Variants in DSE observed in about 807,000 individuals in gnomAD.
DSE encodes dermatan sulfate epimerase, also known as dermatan-sulfate epimerase.
A neutral mutation model predicts 84.4 loss-of-function variants in DSE; 36 were observed. The ratio of observed to expected loss-of-function variants is 0.43; its 90% CI spans 0.33 to 0.56. The LOEUF (loss-of-function observed/expected upper bound fraction) is 0.56. DSE is among the 20% of genes least tolerant of loss of function. The probability of loss-of-function intolerance (pLI) is 0.06; values close to 1 mark genes in which losing one functional copy is unlikely to be tolerated. For missense variants in DSE, 862 were observed against 1,169.6 expected (o/e 0.74, Z 3.84); for synonymous variants, 410 against 430.1 (o/e 0.95, Z 0.58).
chr6:116,294,950 A>G (rs1354981217), intron 2 of DSE, among the ~76,000 whole-genome samples: 3 of 152,168 alleles, frequency 2.0e-5, no homozygotes, highest in East Asian at 1.9e-4. Context: ...AGCACTTCCT[A>G]TAGTAAGTAT....
intron 4 of DSE, among the ~76,000 whole-genome samples, chr6:116,432,323 G>A (rs944486561): frequency 1.3e-5 from 2 of 152,178 alleles, no homozygotes; most frequent in South Asian, 4.1e-4. Context: ...ATGTCTAAGA[G>A]CAGCATTTAT....
chr6:116,292,825 A>T (rs1281439952), intron 2 of DSE, among the ~76,000 whole-genome samples: 1 of 152,258 alleles, frequency 6.6e-6, no homozygotes, highest in Non-Finnish European at 1.5e-5. Context: ...AATTAGAAAG[A>T]TGTAAAAGAA....
At chr6:116,313,995 G>T (rs1775833941) in intron 2 of DSE, among the ~76,000 whole-genome samples, 1 of 152,128 alleles carries the variant, frequency 6.6e-6, no homozygotes, top group Non-Finnish European at 1.5e-5. Flanking sequence ...GTTGTTTTCA[G>T]AGAGAAAACC....
intron 2 of DSE, among the ~76,000 whole-genome samples, chr6:116,284,506 CT>C (rs1027182997): frequency 6.6e-6 from 1 of 151,868 alleles, no homozygotes; most frequent in African/African-American, 2.4e-5. Flanking sequence ...AACTCACTTT[CT>C]TTTTTTTATT....
chr6:116,332,332 A>G (rs1165800832), intron 2 of DSE, among the ~76,000 whole-genome samples: 2 of 152,092 alleles, frequency 1.3e-5, no homozygotes, highest in African/African-American at 4.8e-5. Context: ...CCTGAAACTG[A>G]GCTTTAGATC....
chr6:116,435,878 G>A lies in DSE; in HGVS notation c.1410G>A (p.Glu470=). The change falls in exon 6 of 6, where the codon GAG becomes GAA. Residue 470 remains glutamate (E), a synonymous_variant. Coordinates refer to ENST00000644252, the MANE Select transcript of DSE (RefSeq NM_013352.4). ...CCAATGGTGTGCCTTTCATTACTGA[G>A]GCTCTGTACGGGCCAAAGTACACCT... The part of the protein sequence containing the change: ...FAPNGVPFIT[E]ALYGPKYTFF... 1 of 1,614,116 alleles carries A rather than the reference G, an allele frequency of 6.2e-7. No individual in the cohort carries two copies. Among genetic ancestry groups the A allele is most frequent in the Non-Finnish European group, 8.5e-7 (1 of 1,180,002 alleles).
chr6:116,343,095 G>A (rs1030679823), intron 2 of DSE, among the ~76,000 whole-genome samples: 4 of 152,308 alleles, frequency 2.6e-5, no homozygotes, highest in Admixed American at 6.5e-5. Context: ...TGAGGCTGCG[G>A]GAGGGGCGTC....
At chr6:116,428,121 G>A (rs1327245904) in intron 3 of DSE, among the ~76,000 whole-genome samples, 6 of 152,130 alleles carry the variant, frequency 3.9e-5, no homozygotes, top group African/African-American at 1.4e-4. Flanking sequence ...CCTGGGAGGC[G>A]GAGGTTGCAG....
chr6:116,429,925 C>T lies in DSE; in HGVS notation c.671-1029C>T, dbSNP rs1435779003. ...CGAGATTGCGCCACTGCACTCCCGT[C>T]TGGGCCACAGAGCGAGACTCCGTCT... On this transcript the variant is annotated intron_variant, in intron 3 of 5. Transcript: ENST00000644252. 7.0e-4 allele frequency among the ~76,000 whole-genome samples: 9 copies of T among 12,820 alleles called. 4 individuals are homozygous for T. Among genetic ancestry groups the T allele is most frequent in the African/African-American group, 5.7e-3 (9 of 1,586 alleles). 8.4% of individuals were successfully genotyped at this position (12,820 alleles called of 152,430 possible). A position where few individuals can be genotyped will look rare whatever the true frequency, so the allele number is the denominator to read the frequency against.
intron 1 of DSE, among the ~76,000 whole-genome samples, chr6:116,391,280 A>G (rs1259298710): frequency 7.2e-5 from 11 of 152,104 alleles, no homozygotes; most frequent in Non-Finnish European, 1.5e-4. Flanking sequence ...TTTTTTTTTA[A>G]TGTTGTATTT....
intron 2 of DSE, among the ~76,000 whole-genome samples, chr6:116,297,751 A>G (rs563394596): frequency 1.3e-5 from 2 of 152,338 alleles, no homozygotes; most frequent in African/African-American, 4.8e-5. Context: ...AGTGATTTCT[A>G]GAAAGAGGTG....
At chr6:116,271,309 G>C (rs1772867611) in intron 2 of DSE, among the ~76,000 whole-genome samples, 1 of 152,140 alleles carries the variant, frequency 6.6e-6, no homozygotes, top group African/African-American at 2.4e-5. Flanking sequence ...TCATGGGTGG[G>C]GTTCGAAAAT....
At chr6:116,351,764 AAT>A (rs1379574960) in intron 2 of DSE, among the ~76,000 whole-genome samples, 1 of 152,220 alleles carries the variant, frequency 6.6e-6, no homozygotes, top group Admixed American at 6.5e-5. Context: ...TGCTGATTAA[AAT>A]AGTCTTTTCT....
At chr6:116,400,547 A>G (rs185166200) in intron 2 of DSE, 85 of 152,316 alleles carry the variant, frequency 5.6e-4, no homozygotes, top group African/African-American at 1.9e-3. Context: ...TTACATCTTA[A>G]CATATCACAG....
intron 1 of DSE, among the ~76,000 whole-genome samples, chr6:116,384,921 C>T (rs1386301585): frequency 6.6e-6 from 1 of 151,916 alleles, no homozygotes; most frequent in Non-Finnish European, 1.5e-5. Flanking sequence ...AAATAAAACC[C>T]AGGAGGGAAT....
intron 1 of DSE, among the ~76,000 whole-genome samples, chr6:116,391,626 C>T (rs1440587949): frequency 2.0e-5 from 3 of 151,720 alleles, no homozygotes; most frequent in Non-Finnish European, 4.4e-5. Context: ...ATTAGCTGGG[C>T]GTGGTGGCGG....
At chr6:116,306,173 G>C (rs1050798157) in intron 2 of DSE, among the ~76,000 whole-genome samples, 1 of 152,116 alleles carries the variant, frequency 6.6e-6, no homozygotes, top group African/African-American at 2.4e-5. Flanking sequence ...GGTAAATCTG[G>C]ATAAAAACTA....
chr6:116,424,556 T>C (rs1364652224), intron 2 of DSE, among the ~76,000 whole-genome samples: 1 of 152,014 alleles, frequency 6.6e-6, no homozygotes, highest in East Asian at 1.9e-4. Context: ...TCCTTCACTT[T>C]TTCCTTCTTT....
chr6:116,258,716 C>G (rs1015055582), exon 2 of DSE: 9 of 1,606,466 alleles, frequency 5.6e-6, no homozygotes, highest in Non-Finnish European at 7.7e-6. Context: ...TGTCGTCTCA[C>G]AGTCCCGGCG....
Sources: allele counts gnomAD v4.1 joint callset (sites outside exome capture counted in the v4.1 genomes callset), GRCh38; gene constraint gnomAD v4.1.1; transcripts MANE v1.5; gene names NCBI Gene and HGNC (gene_info 2026-07-23, HGNC 2026-07-21).